RIMOC1: variants seen among roughly 807,000 people sequenced by gnomAD.
RIMOC1 encodes RAB7A-interacting MON1-CCZ1 complex subunit 1.
the RIMOC1 span, among the ~76,000 whole-genome samples, chr5:41,910,775 T>G: frequency 6.6e-6 from 1 of 152,140 alleles, no homozygotes; most frequent in Non-Finnish European, 1.5e-5. Context: ...CTGCTTATAT[T>G]GCAAACCTGT....
the RIMOC1 span, chr5:41,912,148 T>G: frequency 1.2e-6 from 2 of 1,610,448 alleles, no homozygotes; most frequent in East Asian, 4.5e-5. Flanking sequence ...GGAGTTTCTT[T>G]CCAAGATCTA....
chr5:41,905,733 G>C, the RIMOC1 span, among the ~76,000 whole-genome samples: 1 of 152,218 alleles, frequency 6.6e-6, no homozygotes, highest in South Asian at 2.1e-4. Context: ...AGAGACCAAA[G>C]AATGTTTTTT....
chr5:41,912,124 T>G, the RIMOC1 span: 1 of 1,612,326 alleles, frequency 6.2e-7, no homozygotes, highest in South Asian at 1.1e-5. Flanking sequence ...CGATGTCCTA[T>G]CCAGTTAAAT....
chr5:41,917,428 G>C, the RIMOC1 span: 5 of 1,379,052 alleles, frequency 3.6e-6, no homozygotes, highest in African/African-American at 2.9e-5. Flanking sequence ...ATCCAGCTTG[G>C]GTACCCTACT....
At chr5:41,920,302 A>G in the RIMOC1 span, 1 of 152,174 alleles carries the variant, frequency 6.6e-6, no homozygotes, top group African/African-American at 2.4e-5. Context: ...ACTCTGGTGT[A>G]TTATAGAATA....
chr5:41,911,998 A>G, the RIMOC1 span: 1 of 940,556 alleles, frequency 1.1e-6, no homozygotes, highest in Non-Finnish European at 1.7e-6. Flanking sequence ...AGAATGGAAA[A>G]TATTAGTATT....
the RIMOC1 span, among the ~76,000 whole-genome samples, chr5:41,915,938 T>C: frequency 2.0e-4 from 30 of 152,210 alleles, no homozygotes; most frequent in African/African-American, 7.2e-4. Flanking sequence ...TTTGATACTT[T>C]AAAAAGCTTG....
chr5:41,909,871 G>C, the RIMOC1 span: 2 of 1,578,934 alleles, frequency 1.3e-6, no homozygotes, highest in Non-Finnish European at 1.7e-6. Context: ...TTTTAGTAAA[G>C]GAAAATAATA....
the RIMOC1 span, among the ~76,000 whole-genome samples, chr5:41,915,934 ACTTTAAAAAG>A: frequency 6.6e-6 from 1 of 152,210 alleles, no homozygotes; most frequent in East Asian, 1.9e-4. Context: ...AAATTTTGAT[ACTTTAAAAAG>A]CTTGCAATAG....
chr5:41,919,724 A>G, the RIMOC1 span: 2 of 151,998 alleles, frequency 1.3e-5, no homozygotes, highest in Admixed American at 1.3e-4. Context: ...GTGAATACCT[A>G]CCTACCTCTT....
the RIMOC1 span, chr5:41,918,256 A>G: frequency 1.0e-6 from 1 of 985,820 alleles, no homozygotes; most frequent in Non-Finnish European, 1.2e-6. Flanking sequence ...GAATGTCACC[A>G]CCTTGAGTTT....
the RIMOC1 span, chr5:41,918,498 C>T: frequency 1.0e-6 from 1 of 985,386 alleles, no homozygotes; most frequent in Non-Finnish European, 1.2e-6. Flanking sequence ...ACCAGTTATT[C>T]TTCTTTCCCT....
At chr5:41,904,838 T>C in the RIMOC1 span, among the ~76,000 whole-genome samples, 1 of 152,252 alleles carries the variant, frequency 6.6e-6, no homozygotes, top group Non-Finnish European at 1.5e-5. Flanking sequence ...GTTTGCATCC[T>C]GTAAAGATAA....
At chr5:41,906,540 A>G in the RIMOC1 span, among the ~76,000 whole-genome samples, 7 of 152,236 alleles carry the variant, frequency 4.6e-5, no homozygotes, top group African/African-American at 1.7e-4. Context: ...CACCTAAGGC[A>G]TGTCATATTC....
chr5:41,907,279 G>T, the RIMOC1 span, among the ~76,000 whole-genome samples: 1 of 152,112 alleles, frequency 6.6e-6, no homozygotes, highest in Admixed American at 6.5e-5. Context: ...CTGGCATTTT[G>T]TAAGGAATTT....
chr5:41,920,322 T>C, the RIMOC1 span: 2 of 152,130 alleles, frequency 1.3e-5, no homozygotes, highest in African/African-American at 2.4e-5. Context: ...AATGAACACA[T>C]TTTTATATAT....
the RIMOC1 span, chr5:41,919,144 A>C: frequency 6.6e-6 from 1 of 152,158 alleles, no homozygotes; most frequent in South Asian, 2.1e-4. Flanking sequence ...CTTGTTTCTA[A>C]CTGTCTATCA....
chr5:41,916,468 AAT>A, the RIMOC1 span: 2 of 965,714 alleles, frequency 2.1e-6, no homozygotes, highest in Admixed American at 1.2e-4. Flanking sequence ...GCATCTTGGA[AAT>A]AACACCTTTA....
At chr5:41,914,585 C>CT in the RIMOC1 span, among the ~76,000 whole-genome samples, 1 of 149,844 alleles carries the variant, frequency 6.7e-6, no homozygotes, top group Non-Finnish European at 1.5e-5. Flanking sequence ...CATAGTGAGA[C>CT]ATCATCTCTG....
Sources: gnomAD v4.1 joint callset for allele counts (sites outside exome capture counted in the v4.1 genomes callset) on GRCh38, gnomAD v4.1.1 for gene constraint, MANE v1.5 for transcripts, NCBI Gene and HGNC (gene_info 2026-07-23, HGNC 2026-07-21) for gene names.